Variants in SYNE2 observed in about 807,000 individuals in gnomAD.
SYNE2 encodes the protein nesprin-2.
A neutral mutation model predicts 856.3 loss-of-function variants in SYNE2; 431 were observed. The ratio of observed to expected loss-of-function variants is 0.50; its 90% CI spans 0.47 to 0.55. The LOEUF is 0.55. Among genes scored for constraint, SYNE2 ranks in the 20% least tolerant of loss-of-function variants. The pLI is 0.00. For missense variants in SYNE2, 8,129 were observed against 8,023.2 expected (o/e 1.01, Z -0.50); for synonymous variants, 2,923 against 2,872.3 (o/e 1.02, Z -0.56).
At chr14:63,826,710 A>G (rs1889444678) in intron 1 of SYNE2, among the ~76,000 whole-genome samples, 1 of 152,198 alleles carries the variant, frequency 6.6e-6, no homozygotes, top group Admixed American at 6.5e-5. Flanking sequence ...AAATTAACCA[A>G]AAACAGATAA....
At chr14:64,040,009 G>C (rs1179521478) in intron 45 of SYNE2, among the ~76,000 whole-genome samples, 1 of 152,198 alleles carries the variant, frequency 6.6e-6, no homozygotes, top group Non-Finnish European at 1.5e-5. Context: ...TCAACCCTAT[G>C]TCTTAAGCAG....
At position 63,932,947 on chromosome 14, in the gene SYNE2, A is replaced by G. The variant is rs545487993; in HGVS notation, c.80-7667A>G. Reference sequence around the variant, plus strand: ...ATATGGGTAGAGAAGTCGTGGAGCCAAGTTACAAATGACCTGGAATGTTAG... The same window carrying G: ...ATATGGGTAGAGAAGTCGTGGAGCCGAGTTACAAATGACCTGGAATGTTAG... On this transcript the variant is annotated intron_variant, in intron 2 of 115. Transcript: ENST00000555002. Among the ~76,000 whole-genome samples, 35 of 152,314 alleles carry G rather than the reference A, an allele frequency of 2.3e-4. 2 individuals carry two copies. The South Asian group carries it at 7.2e-3, about 32-fold the overall frequency.
chr14:63,939,254 CAG>C (rs779044816), intron 2 of SYNE2, among the ~76,000 whole-genome samples: 26 of 151,564 alleles, frequency 1.7e-4, no homozygotes, highest in Non-Finnish European at 3.5e-4. Context: ...GGCATGGTGT[CAG>C]TGTGGGGCCC....
At chr14:64,172,793 T>G (rs2098417078) in intron 94 of SYNE2, among the ~76,000 whole-genome samples, 1 of 151,926 alleles carries the variant, frequency 6.6e-6, no homozygotes, top group African/African-American at 2.4e-5. Flanking sequence ...TTTAGCCAGG[T>G]GTGGTGGTGC....
chr14:64,211,930 T>C (rs778188442), intron 103 of SYNE2, 31 bp from the exon 104 acceptor site: 2 of 1,613,976 alleles, frequency 1.2e-6, no homozygotes, highest in Non-Finnish European at 1.7e-6. Flanking sequence ...CCGTGGTCAG[T>C]AGAAATGTGA....
At chr14:64,134,035 G>A in intron 77 of SYNE2, 34 bp from the exon 78 acceptor site, 4 of 1,612,594 alleles carry the variant, frequency 2.5e-6, no homozygotes, top group Non-Finnish European at 3.4e-6. Context: ...TCTGGTAAAG[G>A]GCTTCCACTA....
At chr14:64,196,062 G>A (rs1164412942) in intron 99 of SYNE2, among the ~76,000 whole-genome samples, 1 of 152,198 alleles carries the variant, frequency 6.6e-6, no homozygotes, top group Non-Finnish European at 1.5e-5. Flanking sequence ...CCAGTGTACT[G>A]AGCCTCAGAG....
At chr14:63,848,305 G>T (rs1363561058), upstream of SYNE2, 1 of 152,202 alleles carries the variant, frequency 6.6e-6, no homozygotes, top group African/African-American at 2.4e-5. Flanking sequence ...AAGGAACAAA[G>T]AAATCTGTAG....
At chr14:64,202,553 T>C (rs2098578489) in intron 99 of SYNE2, among the ~76,000 whole-genome samples, 2 of 152,174 alleles carry the variant, frequency 1.3e-5, no homozygotes, top group Admixed American at 1.3e-4. Context: ...TCCATTTGCA[T>C]GGGTGGATTA....
chr14:63,829,522 T>C (rs1367840000), intron 1 of SYNE2, among the ~76,000 whole-genome samples: 3 of 152,194 alleles, frequency 2.0e-5, no homozygotes, highest in African/African-American at 4.8e-5. Context: ...TAGATACACA[T>C]ACTCAAGATG....
chr14:64,173,552 T>C (rs1006645744), intron 94 of SYNE2, among the ~76,000 whole-genome samples: 17 of 152,226 alleles, frequency 1.1e-4, no homozygotes, highest in African/African-American at 3.9e-4. Flanking sequence ...ATGCCCACAC[T>C]TTGTCTCCTT....
chr14:64,021,969 G>A lies in SYNE2; in HGVS notation c.5465G>A (p.Ser1822Asn), dbSNP rs774343123. The A allele has an allele frequency of 2.5e-6, 4 of 1,613,804 alleles. No individual in the cohort carries two copies. In the Middle Eastern group the frequency reaches 5.0e-4, roughly 200 times the overall value. Residue 1822 changes from serine (S) to asparagine (N), a missense_variant, in exon 37 of 116, where the codon AGT becomes AAT. By Grantham distance (46) the Ser-to-Asn change is conservative. Coordinates refer to ENST00000555002, the MANE Select transcript of SYNE2 (RefSeq NM_182914.3). ...TTGAAAAAGCAATATGAAAGTGTCA[G>A]TGATTTATTTAATACCAAAAAAAGT... Reference protein sequence around the residue: ...SELKKQYESVSDLFNTKKSVL... With the variant: ...SELKKQYESVNDLFNTKKSVL...
At chr14:63,919,811 T>C (rs1018802487) in intron 2 of SYNE2, among the ~76,000 whole-genome samples, 1 of 152,086 alleles carries the variant, frequency 6.6e-6, no homozygotes, top group African/African-American at 2.4e-5. Context: ...TTTGTTGTGA[T>C]GGCTCTGACA....
At chr14:63,998,717 A>C (rs1159865129) in intron 26 of SYNE2, among the ~76,000 whole-genome samples, 197 bp from the exon 27 acceptor site, 1 of 152,102 alleles carries the variant, frequency 6.6e-6, no homozygotes, top group Non-Finnish European at 1.5e-5. Flanking sequence ...ACCCGCCACC[A>C]TGCCCAGCTA....
chr14:64,036,897 C>T (rs2097094822), intron 45 of SYNE2, among the ~76,000 whole-genome samples: 1 of 152,124 alleles, frequency 6.6e-6, no homozygotes, highest in South Asian at 2.1e-4. Context: ...AGCTTCTAGT[C>T]TAGCTGGGTG....
intron 2 of SYNE2, among the ~76,000 whole-genome samples, chr14:63,923,006 T>C (rs2095619293): frequency 6.6e-6 from 1 of 152,250 alleles, no homozygotes; most frequent in Non-Finnish European, 1.5e-5. Context: ...CAGGCTCACA[T>C]ACCTTGATTT....
At chr14:64,106,132 AC>A (rs72135678) in intron 64 of SYNE2, among the ~76,000 whole-genome samples, 45,212 of 120,478 alleles carry the variant, frequency 0.38, 10,923 homozygotes, top group African/African-American at 0.7. Flanking sequence ...GCATTTCCAG[AC>A]CCCCCCCCCC....
intron 87 of SYNE2, among the ~76,000 whole-genome samples, chr14:64,159,958 T>C (rs1284997961): frequency 6.6e-6 from 1 of 152,186 alleles, no homozygotes; most frequent in Non-Finnish European, 1.5e-5. Context: ...TTGCAGGGCT[T>C]TTATTTTGAT....
At chr14:63,841,958 G>A (rs139162450) in intron 1 of SYNE2, among the ~76,000 whole-genome samples, 25 of 149,240 alleles carry the variant, frequency 1.7e-4, no homozygotes, top group Admixed American at 4.1e-4. Flanking sequence ...TCAGCCTTCC[G>A]AGTAGCTGGG....
Sources: allele counts gnomAD v4.1 joint callset (sites outside exome capture counted in the v4.1 genomes callset), GRCh38; gene constraint gnomAD v4.1.1; transcripts MANE v1.5; gene names NCBI Gene and HGNC (gene_info 2026-07-23, HGNC 2026-07-21).